Variants in KCNN2 observed in about 807,000 individuals in gnomAD.
KCNN2 encodes the protein potassium calcium-activated channel subfamily N member 2.
KCNN2 carries 24 observed loss-of-function variants against 55.5 expected under a neutral mutation model. That is an observed-to-expected ratio of 0.43 (90% CI 0.31 to 0.61). The LOEUF (loss-of-function observed/expected upper bound fraction) is 0.61, where lower values mean the gene tolerates loss of function less well. Among genes scored for constraint, KCNN2 ranks in the 20% least tolerant of loss-of-function variants. KCNN2 has a pLI of 0.08. For synonymous variants in KCNN2, 431 were observed against 336.1 expected, an observed-to-expected ratio of 1.28 and a Z score of -3.09; for missense variants, 754 against 853.6, an observed-to-expected ratio of 0.88 and a Z score of 1.45.
At chr5:114,196,344 T>C (rs948835201) in intron 1 of KCNN2, among the ~76,000 whole-genome samples, 1 of 152,142 alleles carries the variant, frequency 6.6e-6, no homozygotes, top group Admixed American at 6.5e-5. Context: ...TCTTGTGATA[T>C]CTTTTATATC....
intron 2 of KCNN2, among the ~76,000 whole-genome samples, chr5:114,234,735 T>C (rs1237187815): frequency 6.6e-6 from 1 of 152,086 alleles, no homozygotes; most frequent in Non-Finnish European, 1.5e-5. Flanking sequence ...GGATTCTGCT[T>C]ACTCTCGGGG....
In KCNN2 at chr5:114,125,621, G is replaced by T. The variant is rs918057502; in HGVS notation, c.-271+69121G>T. Among the ~76,000 whole-genome samples, 6 of 152,226 alleles carry T rather than the reference G, an allele frequency of 3.9e-5. No homozygotes were observed. In the East Asian group the frequency reaches 1.2e-3, roughly 29 times the overall value. On this transcript the variant is annotated intron_variant, in intron 1 of 10. Transcript: ENST00000512097. ...GTCATACACCCTTTGAGACTTGTAGGGTGCATTAGTTTGCTAGGGCTACCA... is the reference window on the plus strand; with the variant it reads ...GTCATACACCCTTTGAGACTTGTAGTGTGCATTAGTTTGCTAGGGCTACCA...
intron 1 of KCNN2, among the ~76,000 whole-genome samples, chr5:114,061,132 A>G (rs1750319492): frequency 6.6e-6 from 1 of 152,226 alleles, no homozygotes; most frequent in Admixed American, 6.5e-5. Context: ...ATGTCTTACT[A>G]TGCAAATGGG....
intron 4 of KCNN2, among the ~76,000 whole-genome samples, chr5:114,464,843 G>A (rs201304516): frequency 1.6e-5 from 2 of 125,320 alleles, no homozygotes; most frequent in Admixed American, 8.2e-5. Flanking sequence ...TTATCTGTTT[G>A]TTTACTATTG....
chr5:114,347,513 G>A (rs1261800639), intron 2 of KCNN2, among the ~76,000 whole-genome samples: 1 of 152,162 alleles, frequency 6.6e-6, no homozygotes, highest in Non-Finnish European at 1.5e-5. Context: ...AAGGAAATAT[G>A]AGTTCTTCAT....
intron 1 of KCNN2, among the ~76,000 whole-genome samples, chr5:114,125,654 C>A (rs1364551116): frequency 6.6e-6 from 1 of 152,148 alleles, no homozygotes; most frequent in African/African-American, 2.4e-5. Flanking sequence ...CCATAAGTAC[C>A]ATGGATGTGG....
At chr5:114,487,897 A>C (rs753536901) in intron 6 of KCNN2, among the ~76,000 whole-genome samples, 7 of 152,184 alleles carry the variant, frequency 4.6e-5, no homozygotes, top group African/African-American at 9.6e-5. Context: ...AGATATGGTC[A>C]CATCTGTGGC....
At chr5:114,107,713 A>G (rs75766845) in intron 1 of KCNN2, among the ~76,000 whole-genome samples, 2 of 151,996 alleles carry the variant, frequency 1.3e-5, no homozygotes, top group Admixed American at 6.6e-5. Flanking sequence ...GCATTTTACA[A>G]TGAGCCCATC....
intron 3 of KCNN2, among the ~76,000 whole-genome samples, chr5:114,423,399 G>C (rs1759527146): frequency 6.6e-6 from 1 of 152,086 alleles, no homozygotes; most frequent in Non-Finnish European, 1.5e-5. Flanking sequence ...TAAATAAAGA[G>C]GCTAATCAAA....
rs146151028 is a variant in KCNN2 at position 114,220,780 on chromosome 5, C to T, written c.-270-700C>T. Among the ~76,000 whole-genome samples the T allele has an allele frequency of 8.5e-3, 1,244 of 145,558 alleles. 14 individuals are homozygous for T. The highest frequency in any genetic ancestry group is 0.017 in the Admixed American group (244 of 14,298). On this transcript the variant is annotated intron_variant, in intron 1 of 10. Transcript: ENST00000512097. ...GGTGGAGGTTGCAGTCAGCTGAGAT[C>T]GTGCCACTGCACTCTAGCCTGCCTG...
intron 1 of KCNN2, among the ~76,000 whole-genome samples, chr5:114,088,410 A>G (rs1324067362): frequency 1.3e-5 from 2 of 150,796 alleles, no homozygotes; most frequent in Non-Finnish European, 3.0e-5. Flanking sequence ...TTTCTGCCCT[A>G]ACTTTTCAGT....
At chr5:114,202,587 T>TATATATATATA (rs1368706421) in intron 1 of KCNN2, among the ~76,000 whole-genome samples, 31 of 88,168 alleles carry the variant, frequency 3.5e-4, no homozygotes, top group African/African-American at 1.4e-3. Context: ...ATATATATAT[T>TATATATATATA]TTTTTTTTTT....
chr5:114,486,500 G>C (rs72801872), intron 5 of KCNN2, among the ~76,000 whole-genome samples: 1 of 151,856 alleles, frequency 6.6e-6, no homozygotes, highest in African/African-American at 2.4e-5. Context: ...AAATCATAAC[G>C]TAGACTCCGT....
At chr5:114,443,994 G>C (rs954911262) in intron 3 of KCNN2, among the ~76,000 whole-genome samples, 2 of 152,312 alleles carry the variant, frequency 1.3e-5, no homozygotes, top group East Asian at 3.9e-4. Flanking sequence ...GTTTTAGAAA[G>C]ATAACTCACA....
rs757778625 is a variant in KCNN2 at position 114,404,750 on chromosome 5, C to T, written c.1531C>T (p.Arg511Cys). ...ACTTAATAAGATAAACTTCAATACA[C>T]GTTTTGTTATGAAGACTTTAATGAC... ...GALNKINFNT[R>C]FVMKTLMTIC... is the part of the protein sequence containing the mutation. The change falls in exon 3 of 8, where the codon CGT becomes TGT. Residue 511 changes from arginine (R) to cysteine (C), a missense_variant. Coordinates refer to ENST00000673685, the MANE Select transcript of KCNN2 (RefSeq NM_021614.4). The T allele has an allele frequency of 1.2e-6, 2 of 1,613,368 alleles. No individual in the cohort carries two copies. The highest frequency in any genetic ancestry group is 1.7e-6 in the Non-Finnish European group (2 of 1,179,544).
intron 2 of KCNN2, among the ~76,000 whole-genome samples, chr5:114,404,041 G>A (rs552427658): frequency 6.6e-6 from 1 of 152,292 alleles, no homozygotes; most frequent in Non-Finnish European, 1.5e-5. Flanking sequence ...AGATTTCACT[G>A]AGAATATAGT....
chr5:114,102,184 T>G (rs1002468886), intron 1 of KCNN2, among the ~76,000 whole-genome samples: 1 of 152,224 alleles, frequency 6.6e-6, no homozygotes, highest in Admixed American at 6.5e-5. Context: ...TAATGAACAG[T>G]GATGATGAGC....
intron 3 of KCNN2, among the ~76,000 whole-genome samples, chr5:114,409,221 A>G (rs1759042032): frequency 6.6e-6 from 1 of 152,256 alleles, no homozygotes; most frequent in Non-Finnish European, 1.5e-5. Context: ...AAAAGAAAAA[A>G]AAATTATTAA....
intron 1 of KCNN2, among the ~76,000 whole-genome samples, chr5:114,133,564 G>C (rs561811857): frequency 1.1e-4 from 17 of 152,256 alleles, no homozygotes; most frequent in African/African-American, 4.1e-4. Flanking sequence ...TTCTCTGGGA[G>C]CATTGTTTTT....
Sources: allele counts gnomAD v4.1 joint callset (sites outside exome capture counted in the v4.1 genomes callset), GRCh38; gene constraint gnomAD v4.1.1; transcripts MANE v1.5; gene names NCBI Gene and HGNC (gene_info 2026-07-23, HGNC 2026-07-21).